Variants in IGSF3 observed in about 807,000 individuals in gnomAD.
IGSF3 encodes the protein immunoglobulin superfamily member 3.
Under a neutral mutation model 114.4 loss-of-function variants are expected in IGSF3, and 23 were observed. That is an observed-to-expected ratio of 0.20 (90% CI 0.14 to 0.28). The LOEUF is 0.28. Ranked by LOEUF, IGSF3 falls within the 10% of genes least tolerant of loss-of-function variation. The probability of loss-of-function intolerance (pLI) is 1.00; values close to 1 mark genes in which losing one functional copy is unlikely to be tolerated. For missense variants in IGSF3, 1,172 were observed against 1,591.5 expected (o/e 0.74, Z 4.48); for synonymous variants, 571 against 645.2 (o/e 0.88, Z 1.74).
At position 116,615,902 on chromosome 1, in the gene IGSF3, C is replaced by A. The variant is rs1016977353; in HGVS notation, c.421+178G>T. ...TTTTTAAAGTTTCACCCTCAACCAC[C>A]TATTATTTAGAAGTGAACACAGAAA... On this transcript the variant is annotated intron_variant, in intron 3 of 10. Coordinates refer to ENST00000369486, the MANE Select transcript of IGSF3 (RefSeq NM_001007237.3). The surrounding 1 kb of genome is among the most constrained non-coding windows in gnomAD (Gnocchi z 4.3). Among the ~76,000 whole-genome samples the A allele has an allele frequency of 2.6e-5, 4 of 152,238 alleles. No individual in the cohort carries two copies. The highest frequency in any genetic ancestry group is 2.9e-5 in the Non-Finnish European group (2 of 68,044).
In IGSF3 at chr1:116,592,195, G is replaced by C. The variant is rs1660140258; in HGVS notation, c.2030-3091C>G. On this transcript the variant is annotated intron_variant, in intron 7 of 10. Transcript: ENST00000369486. The surrounding 1 kb of genome is among the most constrained non-coding windows in gnomAD (Gnocchi z 4.5). ...ATCTGCACTTTAACAAGATCCCCAG[G>C]TGATTCACAAGTAGCTTCAAGCCTG... 6.6e-6 allele frequency among the ~76,000 whole-genome samples: 1 copy of C among 152,212 alleles called. No homozygotes were observed. Among genetic ancestry groups the C allele is most frequent in the South Asian group, 2.1e-4 (1 of 4,836 alleles).
intron 2 of IGSF3, among the ~76,000 whole-genome samples, chr1:116,653,199 C>G (rs1294397606): frequency 6.6e-6 from 1 of 152,200 alleles, no homozygotes; most frequent in Admixed American, 6.5e-5. Context: ...CAGTCATCCC[C>G]GTTACAGATC....
At chr1:116,580,002 GA>G (rs1659533575) in intron 9 of IGSF3, 125 bp from the exon 10 acceptor site, 2 of 909,866 alleles carry the variant, frequency 2.2e-6, no homozygotes, top group Non-Finnish European at 3.2e-6. Context: ...TGCACCTATT[GA>G]AAAGGCATAG....
rs554103631 is a variant in IGSF3, at chr1:116,654,737, A to T, written c.43+11547T>A. Among the ~76,000 whole-genome samples, 2 of 152,304 alleles carry T rather than the reference A, an allele frequency of 1.3e-5. No individual in the cohort carries two copies. The highest frequency in any genetic ancestry group is 2.1e-4 in the South Asian group (1 of 4,830). On this transcript the variant is annotated intron_variant, in intron 2 of 10. Transcript: ENST00000369486. This position sits in a 1 kb window ranked among gnomAD's most constrained non-coding sequence, Gnocchi z 4.4. ...TTGTTTGGGCTTCCTAGAAATTCAG[A>T]GCTAGGTGTGAAATTCCCAATTCCC...
intron 2 of IGSF3, among the ~76,000 whole-genome samples, chr1:116,640,015 G>C (rs1420174671): frequency 2.3e-5 from 3 of 132,628 alleles, no homozygotes; most frequent in Non-Finnish European, 4.6e-5. Context: ...ACTCCAGCCT[G>C]AGCAACAGCG....
rs1426982311 is a variant in IGSF3 at position 116,616,285 on chromosome 1, G to A, written c.216C>T (p.Val72=). The change falls in exon 3 of 11, where the codon GTC becomes GTT. Residue 72 remains valine, a synonymous_variant. Transcript: ENST00000369486. The surrounding 1 kb of genome is among the most constrained non-coding windows in gnomAD (Gnocchi z 6.6). Reference sequence around the variant, plus strand: ...AGGGGAAGGAAGAGTCCATGGTGCTGACGATCTGCACCTCTCGCTCTGGCG... The same window carrying A: ...AGGGGAAGGAAGAGTCCATGGTGCTAACGATCTGCACCTCTCGCTCTGGCG... ...PSSPEREVQI[V]STMDSSFPYA... 26 of 1,611,796 alleles carry A rather than the reference G, an allele frequency of 1.6e-5. No homozygotes were observed. Among genetic ancestry groups the A allele is most frequent in the Non-Finnish European group, 2.1e-5 (25 of 1,179,466 alleles).
chr1:116,595,908 C>A lies in IGSF3; in HGVS notation c.2029+4033G>T, dbSNP rs1660323026. On this transcript the variant is annotated intron_variant, in intron 7 of 10. Transcript: ENST00000369486. The surrounding 1 kb of genome is among the most constrained non-coding windows in gnomAD (Gnocchi z 4.2). ...ACATGTGAACTGGCTGAAAGTCTTG[C>A]CTAAGCACCCCTTGAGGGGTCACAC... Among the ~76,000 whole-genome samples the A allele has an allele frequency of 6.6e-6, 1 of 152,212 alleles. No individual in the cohort carries two copies.
At chr1:116,599,419 C>A (rs1310994302) in intron 7 of IGSF3, among the ~76,000 whole-genome samples, 1 of 151,146 alleles carries the variant, frequency 6.6e-6, no homozygotes, top group Non-Finnish European at 1.5e-5. Context: ...CACACACACA[C>A]AAACACACAG....
intron 2 of IGSF3, 84 bp downstream of exon 2, chr1:116,666,200 A>G: frequency 7.6e-7 from 1 of 1,318,518 alleles, no homozygotes; most frequent in Non-Finnish European, 1.1e-6. Flanking sequence ...CCTAGTGTTG[A>G]TGAAAAAGAA....
In IGSF3 at chr1:116,577,367, G is replaced by C. The variant is rs1659391576; in HGVS notation, c.3530C>G (p.Ser1177Cys). 1.2e-6 allele frequency: 2 copies of C among 1,614,162 alleles called. No homozygotes were observed. The highest frequency in any genetic ancestry group is 1.7e-6 in the Non-Finnish European group (2 of 1,180,010). The change falls in exon 11 of 11, where the codon TCC becomes TGC. Residue 1177 changes from serine (S) to cysteine (C), a missense_variant. By Grantham distance (112) the Ser-to-Cys change is moderately radical. This residue lies in a region of IGSF3 where 423 missense variants were observed against 509.8 expected (regional missense o/e 0.83). Coordinates refer to ENST00000369486, the MANE Select transcript of IGSF3 (RefSeq NM_001007237.3). This position sits in a 1 kb window ranked among gnomAD's most constrained non-coding sequence, Gnocchi z 5.7. ...LWIKEPHLNY[S>C]PTCLEPPVLS... is the part of the protein sequence containing the mutation. The stretch of plus-strand genomic sequence containing the variant: ...AACAGGGGGCTCCAGGCAAGTAGGG[G>C]AGTAGTTGAGGTGTGGCTCTTTGAT...
At chr1:116,652,470 G>C (rs1648672628) in intron 2 of IGSF3, among the ~76,000 whole-genome samples, 1 of 152,212 alleles carries the variant, frequency 6.6e-6, no homozygotes, top group African/African-American at 2.4e-5. Flanking sequence ...TACATTGTTA[G>C]AGGTTGAACC....
chr1:116,599,930 G>T lies in IGSF3; in HGVS notation c.2029+11C>A, dbSNP rs78610473. On this transcript the variant is annotated intron_variant, in intron 7 of 10. Transcript: ENST00000369486. The stretch of plus-strand genomic sequence containing the variant: ...GCATGGGCACATAGCCCACAGGTCC[G>T]CAGCACTCACCTGGCTGCAGCACCC... 5.9e-4 allele frequency: 953 copies of T among 1,603,734 alleles called. No individual in the cohort carries two copies. Among genetic ancestry groups the T allele is most frequent in the Middle Eastern group, 1.2e-3 (7 of 5,726 alleles).
Position 116,647,331 on chromosome 1 carries a change from G to C in IGSF3, c.43+18953C>G, listed in dbSNP as rs1648424962. The stretch of plus-strand genomic sequence containing the variant: ...AAACAAGAACACCAAGATATTCCAA[G>C]GGAGGTGACAATGGGGTCCAAAGGT... On this transcript the variant is annotated intron_variant, in intron 2 of 10. Coordinates refer to ENST00000369486, the MANE Select transcript of IGSF3 (RefSeq NM_001007237.3). The surrounding 1 kb of genome is among the most constrained non-coding windows in gnomAD (Gnocchi z 4.6). Among the ~76,000 whole-genome samples the C allele has an allele frequency of 1.3e-5, 2 of 152,204 alleles. No homozygotes were observed. The highest frequency in any genetic ancestry group is 2.9e-5 in the Non-Finnish European group (2 of 68,036).
chr1:116,646,418 G>T (rs1319318068), intron 2 of IGSF3, among the ~76,000 whole-genome samples: 1 of 152,184 alleles, frequency 6.6e-6, no homozygotes, highest in African/African-American at 2.4e-5. Flanking sequence ...AATTGTGCCA[G>T]TTCTTTTTGA....
In IGSF3 at chr1:116,615,697, G is replaced by A. The variant is rs1387764933; in HGVS notation, c.421+383C>T. On this transcript the variant is annotated intron_variant, in intron 3 of 10. Transcript: ENST00000369486. The surrounding 1 kb of genome is among the most constrained non-coding windows in gnomAD (Gnocchi z 4.3). ...TCAGCAGTGCCCCGTGGGTCTCAGA[G>A]CTGCCCAAAGGCCTATCCTTCTGAG... Among the ~76,000 whole-genome samples, 4 of 152,196 alleles carry A rather than the reference G, an allele frequency of 2.6e-5. No homozygotes were observed. The highest frequency in any genetic ancestry group is 2.6e-4 in the Admixed American group (4 of 15,280).
chr1:116,590,231 C>T (rs12084991), intron 7 of IGSF3, among the ~76,000 whole-genome samples: 3,919 of 152,068 alleles, frequency 0.026, 163 homozygotes, highest in African/African-American at 0.09. Flanking sequence ...TAATTAATGA[C>T]GATGTTCACC....
chr1:116,664,728 G>A lies in IGSF3; in HGVS notation c.43+1556C>T, dbSNP rs1057157012. Reference sequence around the variant, plus strand: ...TGCCTGAGCATACAGGTGACATGGAGACACTGCCTGTATCCCAGCCCACAG... The same window carrying A: ...TGCCTGAGCATACAGGTGACATGGAAACACTGCCTGTATCCCAGCCCACAG... On this transcript the variant is annotated intron_variant, in intron 2 of 10. Coordinates refer to ENST00000369486, the MANE Select transcript of IGSF3 (RefSeq NM_001007237.3). This position sits in a 1 kb window ranked among gnomAD's most constrained non-coding sequence, Gnocchi z 4.6. Among the ~76,000 whole-genome samples, 1 of 152,198 alleles carries A rather than the reference G, an allele frequency of 6.6e-6. No homozygotes were observed. The highest frequency in any genetic ancestry group is 2.4e-5 in the African/African-American group (1 of 41,446).
rs2101366593 is a variant in IGSF3, at chr1:116,590,147, A to T, written c.2030-1043T>A. Among the ~76,000 whole-genome samples, 2 of 152,094 alleles carry T rather than the reference A, an allele frequency of 1.3e-5. 1 individual carries two copies. Among genetic ancestry groups the T allele is most frequent in the Admixed American group, 1.3e-4 (2 of 15,284 alleles). On this transcript the variant is annotated intron_variant, in intron 7 of 10. Coordinates refer to ENST00000369486, the MANE Select transcript of IGSF3 (RefSeq NM_001007237.3). ...CACGGGACAAGGCAAAGCCAACTAC[A>T]ATCCTCCCTTCTCCTCACTGTCCTG... is the stretch of plus-strand genomic sequence containing the variant.
intron 5 of IGSF3, among the ~76,000 whole-genome samples, chr1:116,604,613 G>A (rs1318042468): frequency 6.6e-6 from 1 of 152,240 alleles, no homozygotes; most frequent in African/African-American, 2.4e-5. Context: ...TTTGCAGAGT[G>A]TGTGAGGAGC....
Sources: gnomAD v4.1 joint callset for allele counts (sites outside exome capture counted in the v4.1 genomes callset) on GRCh38, gnomAD v4.1.1 for gene constraint, gnomAD v4.1.1 regional missense constraint, Gnocchi (gnomAD v3.1) non-coding constraint, MANE v1.5 for transcripts, NCBI Gene and HGNC (gene_info 2026-07-23, HGNC 2026-07-21) for gene names.